Variants in PCLO observed in about 807,000 individuals in gnomAD.
PCLO encodes piccolo presynaptic cytomatrix protein.
In PCLO, 82 loss-of-function variants were observed where a neutral mutation model predicts 427.5. The ratio of observed to expected loss-of-function variants is 0.19; its 90% confidence interval spans 0.16 to 0.23. PCLO has a LOEUF of 0.23. Among genes scored for constraint, PCLO ranks in the 10% least tolerant of loss-of-function variants. The probability of loss-of-function intolerance (pLI) is 1.00; values close to 1 mark genes in which losing one functional copy is unlikely to be tolerated. For synonymous variants in PCLO, 2,357 were observed against 2,155.4 expected, an observed-to-expected ratio of 1.09 and a Z score of -2.59; for missense variants, 6,239 against 6,115.9, an observed-to-expected ratio of 1.02 and a Z score of -0.67.
chr7:83,092,452 T>C (rs1019940241), intron 3 of PCLO, among the ~76,000 whole-genome samples: 2 of 152,046 alleles, frequency 1.3e-5, no homozygotes, highest in Non-Finnish European at 2.9e-5. Context: ...GCATCAAACA[T>C]AGAATTTATC....
chr7:82,763,435 TA>T (rs2129467615), intron 22 of PCLO, among the ~76,000 whole-genome samples: 1 of 152,186 alleles, frequency 6.6e-6, no homozygotes, highest in East Asian at 1.9e-4. Flanking sequence ...GAATCAGTGT[TA>T]TAGAGTATAG....
At chr7:83,050,574 A>G (rs1789226694) in intron 3 of PCLO, among the ~76,000 whole-genome samples, 1 of 152,026 alleles carries the variant, frequency 6.6e-6, no homozygotes, top group Non-Finnish European at 1.5e-5. Context: ...AAGTATAAAA[A>G]GAAAATTATA....
At chr7:82,763,661 A>G (rs1407198955) in intron 22 of PCLO, among the ~76,000 whole-genome samples, 1 of 152,118 alleles carries the variant, frequency 6.6e-6, no homozygotes, top group East Asian at 1.9e-4. Context: ...AAAAATATCT[A>G]TAACATATCT....
intron 3 of PCLO, among the ~76,000 whole-genome samples, chr7:82,967,908 A>T (rs1434740162): frequency 6.6e-6 from 1 of 152,200 alleles, no homozygotes; most frequent in African/African-American, 2.4e-5. Context: ...GCTTTCATGC[A>T]TTACATTGTG....
At chr7:82,813,082 A>C (rs1791606157) in intron 20 of PCLO, among the ~76,000 whole-genome samples, 1 of 151,748 alleles carries the variant, frequency 6.6e-6, no homozygotes, top group Admixed American at 6.6e-5. Flanking sequence ...CTTAAATGGA[A>C]TCCGAACATT....
At chr7:82,759,210 C>T (rs1464834976) in intron 24 of PCLO, among the ~76,000 whole-genome samples, 1 of 151,636 alleles carries the variant, frequency 6.6e-6, no homozygotes, top group Non-Finnish European at 1.5e-5. Context: ...TTTCTGAAGT[C>T]ATATGCAGAA....
chr7:83,112,572 A>G (rs150165408), intron 3 of PCLO, among the ~76,000 whole-genome samples: 2,065 of 152,258 alleles, frequency 0.014, 27 homozygotes, highest in Middle Eastern at 0.017. Context: ...TTCAGAGAAT[A>G]TTTCTCATGT....
intron 5 of PCLO, 138 bp from the exon 6 acceptor site, chr7:82,951,628 G>A (rs1795351176): frequency 2.3e-6 from 2 of 857,052 alleles, no homozygotes; most frequent in Non-Finnish European, 3.5e-6. Flanking sequence ...TATGCGGAAT[G>A]AAAGCAATGT....
chr7:83,010,325 T>G (rs1217544414), intron 3 of PCLO, among the ~76,000 whole-genome samples: 1 of 151,768 alleles, frequency 6.6e-6, no homozygotes, highest in East Asian at 1.9e-4. Flanking sequence ...CAAGCTAAAT[T>G]CACTCTTAAT....
intron 3 of PCLO, among the ~76,000 whole-genome samples, chr7:83,130,472 G>C (rs1670572884): frequency 6.6e-6 from 1 of 152,150 alleles, no homozygotes; most frequent in South Asian, 2.1e-4. Flanking sequence ...CCACTGTGCT[G>C]ACCAGTCTCC....
At chr7:83,038,936 G>C (rs560350382) in intron 3 of PCLO, among the ~76,000 whole-genome samples, 1 of 152,146 alleles carries the variant, frequency 6.6e-6, no homozygotes, top group Non-Finnish European at 1.5e-5. Context: ...TAGTGAGTAT[G>C]AAGTAGTATC....
At chr7:82,938,108 C>T (rs1457036276) in intron 6 of PCLO, among the ~76,000 whole-genome samples, 1 of 151,870 alleles carries the variant, frequency 6.6e-6, no homozygotes, top group Non-Finnish European at 1.5e-5. Context: ...CCGTGCTAGA[C>T]ATTTAAATGC....
At chr7:82,879,949 AC>A (rs1454890366) in intron 9 of PCLO, 16 of 395,470 alleles carry the variant, frequency 4.0e-5, no homozygotes, top group African/African-American at 3.2e-4. Flanking sequence ...GCCTTAATTA[AC>A]CAACTAATAT....
chr7:83,093,969 A>G (rs1289433284), intron 3 of PCLO, among the ~76,000 whole-genome samples: 1 of 151,718 alleles, frequency 6.6e-6, no homozygotes, highest in Non-Finnish European at 1.5e-5. Flanking sequence ...CCACAGTACA[A>G]CCAGAATTTT....
chr7:83,130,205 A>C (rs1475132780), intron 3 of PCLO, among the ~76,000 whole-genome samples: 1 of 152,088 alleles, frequency 6.6e-6, no homozygotes, highest in Non-Finnish European at 1.5e-5. Context: ...TTTGAGACGA[A>C]GTCTCTCTGT....
chr7:83,077,729 T>C (rs17818370), intron 3 of PCLO, among the ~76,000 whole-genome samples: 14,292 of 152,100 alleles, frequency 0.094, 911 homozygotes, highest in Non-Finnish European at 0.13. Context: ...CCAGCTCTCA[T>C]GGAATCTAAT....
At chr7:83,146,002 A>C (rs1386407479) in intron 2 of PCLO, among the ~76,000 whole-genome samples, 1 of 152,156 alleles carries the variant, frequency 6.6e-6, no homozygotes, top group Admixed American at 6.5e-5. Context: ...GATTTTCTTA[A>C]TCTCTTTACC....
At chr7:82,835,839 GA>G (rs1792219763) in intron 15 of PCLO, 146 bp from the exon 16 acceptor site, 2 of 651,760 alleles carry the variant, frequency 3.1e-6, no homozygotes, top group African/African-American at 3.7e-5. Flanking sequence ...ACATGAGGCA[GA>G]AAATGCTAGA....
chr7:82,813,344 TA>T (rs1050734761), intron 20 of PCLO, among the ~76,000 whole-genome samples: 3 of 151,830 alleles, frequency 2.0e-5, no homozygotes, highest in East Asian at 1.9e-4. Flanking sequence ...AATAGATCCT[TA>T]AAAAATACTT....
Sources: gnomAD v4.1 joint callset for allele counts (sites outside exome capture counted in the v4.1 genomes callset) on GRCh38, gnomAD v4.1.1 for gene constraint, MANE v1.5 for transcripts, NCBI Gene and HGNC (gene_info 2026-07-23, HGNC 2026-07-21) for gene names.